Variants in E2F3 observed in about 807,000 individuals in gnomAD.
E2F3 encodes transcription factor E2F3.
E2F3 carries 11 observed loss-of-function variants against 44.4 expected under a neutral mutation model. That is an observed-to-expected ratio of 0.25 (90% CI 0.16 to 0.41). E2F3 has a LOEUF of 0.41. Among genes scored for constraint, E2F3 ranks in the 10% least tolerant of loss-of-function variants. E2F3 has a pLI of 1.00. For missense variants in E2F3, 487 were observed against 583.6 expected (o/e 0.83, Z 1.70); for synonymous variants, 249 against 253.0 (o/e 0.98, Z 0.15).
At chr6:20,443,604 G>A (rs906503214) in intron 1 of E2F3, among the ~76,000 whole-genome samples, 1 of 152,110 alleles carries the variant, frequency 6.6e-6, no homozygotes, top group Non-Finnish European at 1.5e-5. Flanking sequence ...GCATGGTGGT[G>A]CACGCCTGTA....
intron 3 of E2F3, among the ~76,000 whole-genome samples, chr6:20,481,966 C>T (rs376844318): frequency 1.8e-4 from 28 of 152,182 alleles, no homozygotes; most frequent in Admixed American, 3.3e-4. Context: ...TAGCATGATA[C>T]TTATACAGCC....
chr6:20,431,917 C>A (rs1018411544), intron 1 of E2F3, among the ~76,000 whole-genome samples: 1 of 152,218 alleles, frequency 6.6e-6, no homozygotes, highest in Admixed American at 6.5e-5. Flanking sequence ...GGGAGGTTTC[C>A]TCTGAGGCCG....
intron 1 of E2F3, among the ~76,000 whole-genome samples, chr6:20,470,921 G>A (rs1029694886): frequency 2.0e-5 from 3 of 152,164 alleles, no homozygotes; most frequent in Admixed American, 6.5e-5. Context: ...ACATTCAACA[G>A]TCTAGAAAAT....
chr6:20,458,439 G>A (rs953338038), intron 1 of E2F3, among the ~76,000 whole-genome samples: 1 of 152,084 alleles, frequency 6.6e-6, no homozygotes, highest in Non-Finnish European at 1.5e-5. Context: ...CTGCCCACTG[G>A]CTCCTCTCTG....
At chr6:20,404,278 A>G (rs991789311) in intron 1 of E2F3, among the ~76,000 whole-genome samples, 2 of 151,948 alleles carry the variant, frequency 1.3e-5, no homozygotes, top group African/African-American at 4.8e-5. Flanking sequence ...CCTTTGAGAG[A>G]TGATTTAGGT....
chr6:20,402,317 G>GCCT lies in E2F3; in HGVS notation c.86_87insCTC (p.Ala29_Ala30insSer), dbSNP rs1759328579. The GCCT allele has an allele frequency of 2.5e-6, 4 of 1,609,712 alleles. No individual in the cohort carries two copies. Among genetic ancestry groups the GCCT allele is most frequent in the Non-Finnish European group, 3.4e-6 (4 of 1,179,004 alleles). ...GGGGGCGGCTGTCGTCGCCGCCGCC[G>GCCT]CTGCAGCCTCCATGGACAAAAGGGC... On this transcript the variant is annotated inframe_insertion, in exon 1 of 7. Coordinates refer to ENST00000346618, the MANE Select transcript of E2F3 (RefSeq NM_001949.5). The surrounding 1 kb of genome is among the most constrained non-coding windows in gnomAD (Gnocchi z 5.6).
At position 20,490,317 on chromosome 6, in the gene E2F3, C is replaced by T. The variant is rs938762623; in HGVS notation, c.1285C>T (p.Leu429=). The stretch of plus-strand genomic sequence containing the variant: ...ACCGTTTGTGAACTTACTGCCTCCC[C>T]TGCTGCAAGAGGACTATCTCCTGAG... ...EGPFVNLLPP[L]LQEDYLLSLG... The change falls in exon 7 of 7, where the codon CTG becomes TTG. Residue 429 remains leucine, a synonymous_variant. Transcript: ENST00000346618. The surrounding 1 kb of genome is among the most constrained non-coding windows in gnomAD (Gnocchi z 4.3). 8 of 1,614,066 alleles carry T rather than the reference C, an allele frequency of 5.0e-6. No individual in the cohort carries two copies. Among genetic ancestry groups the T allele is most frequent in the Non-Finnish European group, 6.8e-6 (8 of 1,180,030 alleles).
intron 1 of E2F3, among the ~76,000 whole-genome samples, chr6:20,417,693 C>T (rs1054824382): frequency 4.0e-5 from 6 of 151,728 alleles, no homozygotes; most frequent in Admixed American, 3.3e-4. Flanking sequence ...GTCCATTTAA[C>T]AGCTGTCATT....
chr6:20,443,099 C>T (rs1270180358), intron 1 of E2F3, among the ~76,000 whole-genome samples: 2 of 152,192 alleles, frequency 1.3e-5, no homozygotes, highest in African/African-American at 4.8e-5. Flanking sequence ...ACACAGAAAG[C>T]TGGGTCTGCT....
chr6:20,465,481 A>G (rs1315668208), intron 1 of E2F3, among the ~76,000 whole-genome samples: 1 of 151,810 alleles, frequency 6.6e-6, no homozygotes, highest in Non-Finnish European at 1.5e-5. Context: ...TTTATTTTCC[A>G]TAGGTTATTG....
At chr6:20,445,205 A>T (rs1760901027) in intron 1 of E2F3, 1 of 914,050 alleles carries the variant, frequency 1.1e-6, no homozygotes, top group African/African-American at 1.8e-5. Flanking sequence ...CCTTCCCAGG[A>T]TGACAAGGCA....
chr6:20,418,471 G>C (rs1443746355), intron 1 of E2F3, among the ~76,000 whole-genome samples: 1 of 152,182 alleles, frequency 6.6e-6, no homozygotes, highest in South Asian at 2.1e-4. Flanking sequence ...AGTAGGTCTA[G>C]CCCTAAACTG....
intron 4 of E2F3, among the ~76,000 whole-genome samples, chr6:20,485,235 T>C (rs4134953): frequency 0.024 from 3,642 of 152,254 alleles, 148 homozygotes; most frequent in African/African-American, 0.082. Flanking sequence ...CATGATAGCC[T>C]TTTAGGCTTG....
At chr6:20,419,819 G>A (rs1759966197) in intron 1 of E2F3, among the ~76,000 whole-genome samples, 1 of 152,050 alleles carries the variant, frequency 6.6e-6, no homozygotes. Context: ...GCCCGCCTCA[G>A]CCTCCCAAAG....
intron 1 of E2F3, among the ~76,000 whole-genome samples, chr6:20,412,524 T>C (rs929600535): frequency 6.6e-6 from 1 of 151,772 alleles, no homozygotes; most frequent in African/African-American, 2.4e-5. Flanking sequence ...GTCATCAGTA[T>C]GGGGAGATAA....
chr6:20,442,919 A>C (rs532768434), intron 1 of E2F3, among the ~76,000 whole-genome samples: 3 of 152,106 alleles, frequency 2.0e-5, no homozygotes, highest in Non-Finnish European at 4.4e-5. Flanking sequence ...GCAGTGAGCC[A>C]AGATTGCGCC....
chr6:20,487,158 T>C (rs535300444), intron 5 of E2F3, among the ~76,000 whole-genome samples: 11 of 152,332 alleles, frequency 7.2e-5, no homozygotes, highest in African/African-American at 2.6e-4. Flanking sequence ...CGAACAGATA[T>C]ATAAATGTTT....
intron 1 of E2F3, among the ~76,000 whole-genome samples, chr6:20,444,300 A>G (rs1258154028): frequency 6.6e-6 from 1 of 152,182 alleles, no homozygotes; most frequent in Non-Finnish European, 1.5e-5. Context: ...CCTATTTATT[A>G]TATGTTATGG....
intron 1 of E2F3, among the ~76,000 whole-genome samples, chr6:20,472,458 A>C (rs951952821): frequency 2.0e-5 from 3 of 152,002 alleles, no homozygotes; most frequent in Non-Finnish European, 4.4e-5. Flanking sequence ...AGGCTGAGGT[A>C]GGAGGGTCAT....
Sources: gnomAD v4.1 joint callset for allele counts (sites outside exome capture counted in the v4.1 genomes callset) on GRCh38, gnomAD v4.1.1 for gene constraint, Gnocchi (gnomAD v3.1) non-coding constraint, MANE v1.5 for transcripts, NCBI Gene and HGNC (gene_info 2026-07-23, HGNC 2026-07-21) for gene names.